ERGIC2: variants seen among roughly 807,000 people sequenced by gnomAD.
The protein encoded by ERGIC2 is ERGIC and golgi 2.
ERGIC2 carries 31 observed loss-of-function variants against 52.5 expected under a neutral mutation model. That is an observed-to-expected ratio of 0.59 (90% CI 0.44 to 0.80). The LOEUF is 0.80. ERGIC2 is among the 30% of genes least tolerant of loss of function. ERGIC2 has a pLI of 0.00. For missense variants in ERGIC2, 395 were observed against 455.2 expected (o/e 0.87, Z 1.20); for synonymous variants, 129 against 140.6 (o/e 0.92, Z 0.58).
chr12:29,341,009 T>C lies in ERGIC2; in HGVS notation c.*147A>G. ...CGTATATAGAATTTCAGTTTGGGTT[T>C]TTTTATCCTTTTTTTTCTTTTTTAA... On this transcript the variant is annotated 3_prime_UTR_variant, in exon 14 of 14. Coordinates refer to ENST00000360150, the MANE Select transcript of ERGIC2 (RefSeq NM_016570.3). The C allele has an allele frequency of 2.9e-6, 2 of 684,744 alleles. No individual in the cohort carries two copies. Among genetic ancestry groups the C allele is most frequent in the Non-Finnish European group, 5.0e-6 (2 of 396,838 alleles). The allele number at this position is 684,744 out of a possible 1,614,324, so 42.4% of individuals were successfully genotyped here.
At chr12:29,360,141 C>A (rs1430382105) in intron 6 of ERGIC2, among the ~76,000 whole-genome samples, 1 of 152,018 alleles carries the variant, frequency 6.6e-6, no homozygotes, top group Non-Finnish European at 1.5e-5. Context: ...CTAATATAGC[C>A]TTTTGGAGTA....
chr12:29,365,371 C>T (rs1565542606), intron 5 of ERGIC2, among the ~76,000 whole-genome samples: 1 of 151,906 alleles, frequency 6.6e-6, no homozygotes. Context: ...AACCATACAC[C>T]ATATGTTCTC....
chr12:29,357,564 T>A, intron 7 of ERGIC2, 59 bp downstream of exon 7: 2 of 911,572 alleles, frequency 2.2e-6, no homozygotes, highest in African/African-American at 3.3e-5. Flanking sequence ...CACTTTAGTT[T>A]TAACTATGTC....
At chr12:29,366,608 TAAC>T (rs1449626388) in intron 5 of ERGIC2, among the ~76,000 whole-genome samples, 4 of 151,642 alleles carry the variant, frequency 2.6e-5, no homozygotes, top group Non-Finnish European at 5.9e-5. Context: ...TGGAAAGTAA[TAAC>T]AAAAATATTA....
intron 11 of ERGIC2, 68 bp downstream of exon 11, chr12:29,345,375 G>T: frequency 1.2e-6 from 1 of 861,710 alleles, no homozygotes; most frequent in Non-Finnish European, 1.9e-6. Flanking sequence ...TTATTTTGTA[G>T]CCAGGAAACT....
intron 1 of ERGIC2, chr12:29,380,701 T>A (rs1940576380): frequency 1.3e-5 from 2 of 152,006 alleles, no homozygotes; most frequent in Non-Finnish European, 2.9e-5. Context: ...GAATGTGGCA[T>A]TTGTCTGAAT....
intron 5 of ERGIC2, among the ~76,000 whole-genome samples, chr12:29,363,849 A>G (rs1055747006): frequency 4.6e-5 from 7 of 151,942 alleles, no homozygotes; most frequent in East Asian, 1.9e-4. Flanking sequence ...AAAAAAAAAA[A>G]AGAGAGTGAC....
chr12:29,363,031 C>T (rs1940307805), intron 5 of ERGIC2, among the ~76,000 whole-genome samples: 1 of 152,148 alleles, frequency 6.6e-6, no homozygotes, highest in South Asian at 2.1e-4. Flanking sequence ...TTTGTAGGCC[C>T]TATGCTAATT....
intron 5 of ERGIC2, among the ~76,000 whole-genome samples, chr12:29,362,860 C>G (rs1269611335): frequency 6.6e-6 from 1 of 152,292 alleles, no homozygotes; most frequent in East Asian, 1.9e-4. Flanking sequence ...ATGCTAACAT[C>G]TATAAAACAC....
At chr12:29,373,167 A>T (rs1306159951) in intron 1 of ERGIC2, among the ~76,000 whole-genome samples, 1 of 152,132 alleles carries the variant, frequency 6.6e-6, no homozygotes, top group African/African-American at 2.4e-5. Flanking sequence ...ATAACTTCAG[A>T]TTTCCCATGT....
At chr12:29,380,365 A>G (rs567017346) in intron 1 of ERGIC2, among the ~76,000 whole-genome samples, 1 of 152,232 alleles carries the variant, frequency 6.6e-6, no homozygotes, top group South Asian at 2.1e-4. Context: ...TGCTTCTGAA[A>G]ACCAGTCTGG....
chr12:29,363,763 C>T (rs1940317379), intron 5 of ERGIC2, among the ~76,000 whole-genome samples: 1 of 146,528 alleles, frequency 6.8e-6, no homozygotes, highest in South Asian at 2.1e-4. Context: ...TTCTCAAGAG[C>T]TTAAAATCCA....
Position 29,366,951 on chromosome 12 carries a change from C to T in ERGIC2, c.263-4G>A. Reference sequence around the variant, plus strand: ...TCCAATACATCCGCTCCAACATCTGCATAGAAAAAAGAATTAGAAGTTTTA... The same window carrying T: ...TCCAATACATCCGCTCCAACATCTGTATAGAAAAAAGAATTAGAAGTTTTA... On this transcript the variant is annotated splice_region_variant and splice_polypyrimidine_tract_variant and intron_variant, in intron 4 of 13. Transcript: ENST00000360150. 3 of 1,561,870 alleles carry T rather than the reference C, an allele frequency of 1.9e-6. No individual in the cohort carries two copies. The highest frequency in any genetic ancestry group is 2.6e-6 in the Non-Finnish European group (3 of 1,149,678).
At chr12:29,377,540 G>C (rs754591653) in intron 1 of ERGIC2, among the ~76,000 whole-genome samples, 104 of 152,200 alleles carry the variant, frequency 6.8e-4, no homozygotes, top group Admixed American at 1.8e-3. Flanking sequence ...AAGTCTGTAA[G>C]TATTCAGTAC....
At chr12:29,343,473 T>A (rs532526895) in intron 11 of ERGIC2, among the ~76,000 whole-genome samples, 191 bp from the exon 12 acceptor site, 1 of 152,350 alleles carries the variant, frequency 6.6e-6, no homozygotes, top group South Asian at 2.1e-4. Flanking sequence ...ATTCTTTGTG[T>A]GGTTAGCTTT....
intron 10 of ERGIC2, among the ~76,000 whole-genome samples, chr12:29,348,590 C>G (rs368422532): frequency 6.6e-6 from 1 of 151,966 alleles, no homozygotes; most frequent in Non-Finnish European, 1.5e-5. Context: ...TGTACTCCTT[C>G]TATGTTAATA....
intron 4 of ERGIC2, 103 bp downstream of exon 4, chr12:29,368,138 T>C (rs1045890999): frequency 2.7e-6 from 2 of 740,094 alleles, no homozygotes; most frequent in Non-Finnish European, 4.7e-6. Flanking sequence ...CTTTAAAATA[T>C]TATAAAGGAA....
intron 5 of ERGIC2, 64 bp downstream of exon 5, chr12:29,366,809 ACTAT>A (rs1940368781): frequency 7.2e-6 from 6 of 829,712 alleles, no homozygotes; most frequent in Non-Finnish European, 1.1e-5. Context: ...ACTAAAAGCA[ACTAT>A]CTGTCTTCAA....
At chr12:29,360,678 AATATACATATT>A in intron 6 of ERGIC2, among the ~76,000 whole-genome samples, 1 of 149,000 alleles carries the variant, frequency 6.7e-6, no homozygotes, top group South Asian at 2.1e-4. Flanking sequence ...AAATATATAT[AATATACATATT>A]ATATACATAC....
Sources: allele counts gnomAD v4.1 joint callset (sites outside exome capture counted in the v4.1 genomes callset), GRCh38; gene constraint gnomAD v4.1.1; transcripts MANE v1.5; gene names NCBI Gene and HGNC (gene_info 2026-07-23, HGNC 2026-07-21).